The following CYTH2 variants were observed in gnomAD, a reference collection of about 807,000 sequenced individuals.
CYTH2 encodes the protein cytohesin 2.
In CYTH2, 24 loss-of-function variants were observed where a neutral mutation model predicts 55.4. The ratio of observed to expected loss-of-function variants is 0.43; its 90% CI spans 0.31 to 0.61. The LOEUF is 0.61. Ranked by LOEUF, CYTH2 falls within the 20% of genes least tolerant of loss-of-function variation. CYTH2 has a pLI of 0.08. For missense variants in CYTH2, 378 were observed against 533.5 expected (o/e 0.71, Z 2.87); for synonymous variants, 221 against 209.6 (o/e 1.05, Z -0.47).
chr19:48,478,227 TG>T lies in CYTH2; in HGVS notation c.886-44del, dbSNP rs374927041. 4.3e-4 allele frequency: 678 copies of T among 1,579,454 alleles called. 6 individuals are homozygous for T. The African/African-American group carries it at 8.0e-3, about 19-fold the overall frequency. ...ACTCCTGGGGCTGAGGGAGGTGGGG[TG>T]GGGTGAGGACTTGGAAGTCTGAGTT... On this transcript the variant is annotated intron_variant, in intron 9 of 11. Coordinates refer to ENST00000452733, the MANE Select transcript of CYTH2 (RefSeq NM_004228.7).
Position 48,479,998 on chromosome 19 carries a change from T to A in CYTH2, c.*788T>A, listed in dbSNP as rs1029291258. The A allele has an allele frequency of 2.6e-5, 4 of 152,346 alleles. No individual in the cohort carries two copies. Among genetic ancestry groups the A allele is most frequent in the African/African-American group, 9.6e-5 (4 of 41,468 alleles). 9.4% of individuals were successfully genotyped at this position (152,346 alleles called of 1,614,324 possible). A position where few individuals can be genotyped will look rare whatever the true frequency, so the allele number is the denominator to read the frequency against. On this transcript the variant is annotated 3_prime_UTR_variant, in exon 12 of 12. Coordinates refer to ENST00000452733, the MANE Select transcript of CYTH2 (RefSeq NM_004228.7). ...GATCAGCCTCCTTTGGAGGACATTT[T>A]GTGTCAAGGATAGGGCTGAGGACCT...
At chr19:48,470,228 A>ATTC in intron 1 of CYTH2, 125 bp from the exon 2 acceptor site, 1 of 1,378,974 alleles carries the variant, frequency 7.3e-7, no homozygotes, top group South Asian at 1.4e-5. Flanking sequence ...CCCCCAGCCC[A>ATTC]TTCTTCTGTG....
chr19:48,470,692 G>T, intron 3 of CYTH2, 23 bp downstream of exon 3: 1 of 1,614,144 alleles, frequency 6.2e-7, no homozygotes, highest in Non-Finnish European at 8.5e-7. Flanking sequence ...ACAGGACTGG[G>T]ATCAGCTGGG....
In CYTH2 at chr19:48,469,507, C is replaced by G; in HGVS notation, c.-1C>G. 7.5e-7 allele frequency: 1 copy of G among 1,330,778 alleles called. No individual in the cohort carries two copies. The highest frequency in any genetic ancestry group is 9.7e-7 in the Non-Finnish European group (1 of 1,032,230). The allele number at this position is 1,330,778 out of a possible 1,614,324, so 82.4% of individuals were successfully genotyped here. ...ATTCCCCGCGGGCCTTCCTAGCCGC[C>G]ATGGAGGACGGCGTCTATGGTAGGT... is the stretch of plus-strand genomic sequence containing the variant. On this transcript the variant is annotated 5_prime_UTR_variant, in exon 1 of 12. Transcript: ENST00000452733.
At chr19:48,477,947 T>C in intron 8 of CYTH2, 122 bp from the exon 9 acceptor site, 1 of 720,838 alleles carries the variant, frequency 1.4e-6, no homozygotes, top group South Asian at 1.8e-5. Flanking sequence ...ACGCAGCGGC[T>C]TTGTCTAGGC....
rs1972042713 is a variant in CYTH2, at chr19:48,481,451, G to C, written c.*2241G>C. The C allele has an allele frequency of 6.1e-6, 1 of 165,252 alleles. No individual in the cohort carries two copies. Among genetic ancestry groups the C allele is most frequent in the Admixed American group, 6.3e-5 (1 of 15,978 alleles). The allele number at this position is 165,252 out of a possible 1,614,324, so 10.2% of individuals were successfully genotyped here. ...TGCGTCCGGCTCCCTCCTCGCCCAGGACCCCCAAGCTCCCAGCACGCTTCT... is the reference window on the plus strand; with the variant it reads ...TGCGTCCGGCTCCCTCCTCGCCCAGCACCCCCAAGCTCCCAGCACGCTTCT... On this transcript the variant is annotated 3_prime_UTR_variant, in exon 12 of 12. Coordinates refer to ENST00000452733, the MANE Select transcript of CYTH2 (RefSeq NM_004228.7).
rs1971877744 is a variant in CYTH2, at chr19:48,474,830, C to T, written c.697-8C>T. 3 of 1,613,958 alleles carry T rather than the reference C, an allele frequency of 1.9e-6. No individual in the cohort carries two copies. The highest frequency in any genetic ancestry group is 2.2e-5 in the South Asian group (2 of 91,068). Reference sequence around the variant, plus strand: ...GCTCGAATGGCTAATGCAGCCTTTACTCCTCAGAACCTGTACGACAGCATC... The same window carrying T: ...GCTCGAATGGCTAATGCAGCCTTTATTCCTCAGAACCTGTACGACAGCATC... On this transcript the variant is annotated splice_polypyrimidine_tract_variant and splice_region_variant and intron_variant, in intron 7 of 11. Coordinates refer to ENST00000452733, the MANE Select transcript of CYTH2 (RefSeq NM_004228.7). This position sits in a 1 kb window ranked among gnomAD's most constrained non-coding sequence, Gnocchi z 4.9.
Position 48,478,290 on chromosome 19 carries a change from G to T in CYTH2, c.901G>T (p.Gly301Ter). Residue 301 changes from glycine to a stop codon, truncating the protein, a stop_gained, in exon 10 of 12, where the codon GGA becomes TGA. Coordinates refer to ENST00000452733, the MANE Select transcript of CYTH2 (RefSeq NM_004228.7). LOFTEE classifies it high-confidence loss of function. ...GCTTCTTCAGGACAAGGAGCCCCGA[G>T]GAATCATCCCCCTGGAGAATCTGAG... ...FEYTTDKEPRGIIPLENLSIR... is the reference protein window; with the variant it reads ...FEYTTDKEPR 6.2e-7 allele frequency: 1 copy of T among 1,613,948 alleles called. No individual in the cohort carries two copies. Among genetic ancestry groups the T allele is most frequent in the Non-Finnish European group, 8.5e-7 (1 of 1,179,996 alleles).
intron 8 of CYTH2, chr19:48,475,465 C>T (rs1971892017): frequency 6.4e-6 from 1 of 155,684 alleles, no homozygotes; most frequent in Non-Finnish European, 1.4e-5. Context: ...CCAAACAGGC[C>T]AGGAAACCTG....
rs765308637 is a variant in CYTH2 at position 48,479,177 on chromosome 19, G to C, written c.1167G>C (p.Arg389=). Residue 389 remains arginine (R), a synonymous_variant, in exon 12 of 12, where the codon CGG becomes CGC. Coordinates refer to ENST00000452733, the MANE Select transcript of CYTH2 (RefSeq NM_004228.7). Reference sequence around the variant, plus strand: ...AGATGCTGGCAGCGAGAAAGAAGCGGATTTCAGTCAAGAAGAAGCAGGAGC... The same window carrying C: ...AGATGCTGGCAGCGAGAAAGAAGCGCATTTCAGTCAAGAAGAAGCAGGAGC... ...FYEMLAARKK[R]ISVKKKQEQP is the part of the protein sequence containing the mutation. 6.2e-7 allele frequency: 1 copy of C among 1,614,088 alleles called. No homozygotes were observed. Among genetic ancestry groups the C allele is most frequent in the East Asian group, 2.2e-5 (1 of 44,858 alleles).
At chr19:48,470,939 A>G (rs1971780474) in intron 3 of CYTH2, among the ~76,000 whole-genome samples, 1 of 152,032 alleles carries the variant, frequency 6.6e-6, no homozygotes, top group Non-Finnish European at 1.5e-5. Flanking sequence ...TCCCAAGATG[A>G]GCTCGAGTCT....
intron 5 of CYTH2, 111 bp downstream of exon 5, chr19:48,473,489 CAA>C (rs1235114145): frequency 8.9e-7 from 1 of 1,126,642 alleles, no homozygotes; most frequent in Non-Finnish European, 1.3e-6. Context: ...AAAACAGAAA[CAA>C]AAACTAGGGA....
rs1006802658 is a variant in CYTH2, at chr19:48,481,984, T to TG, written c.*2775dup. 2.6e-5 allele frequency: 4 copies of TG among 152,250 alleles called. No individual in the cohort carries two copies. Among genetic ancestry groups the TG allele is most frequent in the Admixed American group, 1.3e-4 (2 of 15,268 alleles). The allele number at this position is 152,250 out of a possible 1,614,324, so 9.4% of individuals were successfully genotyped here. On this transcript the variant is annotated 3_prime_UTR_variant, in exon 12 of 12. Coordinates refer to ENST00000452733, the MANE Select transcript of CYTH2 (RefSeq NM_004228.7). Reference sequence around the variant, plus strand: ...ATAGATTAATGCCTGCCTTAAGGGGTGAGTGAGTGCTCACCCTTGGGAATT... The same window carrying TG: ...ATAGATTAATGCCTGCCTTAAGGGGTGGAGTGAGTGCTCACCCTTGGGAATT...
Position 48,480,722 on chromosome 19 carries a change from T to C in CYTH2, c.*1512T>C, listed in dbSNP as rs1395979057. The C allele has an allele frequency of 6.6e-6, 1 of 151,848 alleles. No homozygotes were observed. Among genetic ancestry groups the C allele is most frequent in the African/African-American group, 2.4e-5 (1 of 41,298 alleles). The allele number at this position is 151,848 out of a possible 1,614,324, so 9.4% of individuals were successfully genotyped here. On this transcript the variant is annotated 3_prime_UTR_variant, in exon 12 of 12. Transcript: ENST00000452733. ...GGAAATGGAGTTCCAAATGAGAAAA[T>C]AGAATTCCCCACTTCTCTTTCCCAC...
chr19:48,474,278 C>T lies in CYTH2; in HGVS notation c.644C>T (p.Ala215Val). 2 of 1,613,506 alleles carry T rather than the reference C, an allele frequency of 1.2e-6. No homozygotes were observed. The highest frequency in any genetic ancestry group is 1.7e-6 in the Non-Finnish European group (2 of 1,179,682). ...RDKPGLERFV[A>V]MNRGINEGGD... ...AAGCCGGGCCTGGAGCGCTTTGTGG[C>T]CATGAACCGGGGCATCAACGAGGGC... Residue 215 changes from alanine to valine, a missense_variant, in exon 7 of 12, where the codon GCC (alanine) becomes GTC (valine). By Grantham distance (64) the Ala-to-Val change is moderately conservative. Transcript: ENST00000452733. This position sits in a 1 kb window ranked among gnomAD's most constrained non-coding sequence, Gnocchi z 4.9.
Position 48,472,340 on chromosome 19 carries a change from G to T in CYTH2, c.250G>T (p.Val84Leu). ...MDPKKGIQFL[V>L]ENELLQNTPE... ...CACCCACCAGGGGATCCAGTTCTTG[G>T]TGGAGAATGAACTGCTGCAGAACAC... The change falls in exon 4 of 12, where the codon GTG becomes TTG. Residue 84 changes from valine (V) to leucine (L), a missense_variant. Coordinates refer to ENST00000452733, the MANE Select transcript of CYTH2 (RefSeq NM_004228.7). The T allele has an allele frequency of 2.5e-6, 4 of 1,613,998 alleles. No homozygotes were observed. In the South Asian group the frequency reaches 4.4e-5, roughly 18 times the overall value.
chr19:48,470,017 A>C (rs1369222039), intron 1 of CYTH2: 1 of 579,842 alleles, frequency 1.7e-6, no homozygotes, highest in Non-Finnish European at 3.3e-6. Flanking sequence ...ATGGAGTCAG[A>C]AAACCAAGGC....
intron 8 of CYTH2, 190 bp from the exon 9 acceptor site, chr19:48,477,879 G>A (rs1295503780): frequency 1.7e-6 from 1 of 572,942 alleles, no homozygotes; most frequent in African/African-American, 1.9e-5. Context: ...GCCCCAAGCT[G>A]GGGGTGGACG....
Position 48,474,060 on chromosome 19 carries a change from G to C in CYTH2, c.547+43G>C, listed in dbSNP as rs1269170286. ...TGGGTCCTGGGAAAGAGGAGACTGGGGCCCAGACTCCTAGGTCTGAGGGAG... is the reference window on the plus strand; with the variant it reads ...TGGGTCCTGGGAAAGAGGAGACTGGCGCCCAGACTCCTAGGTCTGAGGGAG... On this transcript the variant is annotated intron_variant, in intron 6 of 11. Transcript: ENST00000452733. This position sits in a 1 kb window ranked among gnomAD's most constrained non-coding sequence, Gnocchi z 4.9. The C allele has an allele frequency of 1.3e-6, 2 of 1,569,380 alleles. No homozygotes were observed. The highest frequency in any genetic ancestry group is 4.5e-5 in the East Asian group (2 of 44,556).
Sources: allele counts gnomAD v4.1 joint callset (sites outside exome capture counted in the v4.1 genomes callset), GRCh38; gene constraint gnomAD v4.1.1; non-coding constraint Gnocchi (gnomAD v3.1); transcripts MANE v1.5; gene names NCBI Gene and HGNC (gene_info 2026-07-23, HGNC 2026-07-21).